The following ADCY7 variants were observed in gnomAD, a reference collection of about 807,000 sequenced individuals.
ADCY7 encodes the protein adenylate cyclase type 7.
ADCY7 carries 72 observed loss-of-function variants against 120.6 expected under a neutral mutation model. The observed-to-expected ratio is 0.60, with a 90% CI of 0.49 to 0.73. The LOEUF (loss-of-function observed/expected upper bound fraction) is 0.73, where lower values mean the gene tolerates loss of function less well. Ranked by LOEUF, ADCY7 falls within the 30% of genes least tolerant of loss-of-function variation. The probability of loss-of-function intolerance (pLI) is 0.00; values close to 1 mark genes in which losing one functional copy is unlikely to be tolerated. For missense variants in ADCY7, 1,227 were observed against 1,486.0 expected (o/e 0.83, Z 2.87); for synonymous variants, 661 against 628.0 (o/e 1.05, Z -0.78).
At chr16:50,258,565 G>A (rs2032979267) in intron 1 of ADCY7, among the ~76,000 whole-genome samples, 1 of 151,348 alleles carries the variant, frequency 6.6e-6, no homozygotes, top group Non-Finnish European at 1.5e-5. Context: ...AATACTGGCA[G>A]TCATTGATAT....
chr16:50,300,212 A>G (rs2035626637), intron 8 of ADCY7, among the ~76,000 whole-genome samples: 2 of 152,148 alleles, frequency 1.3e-5, no homozygotes, highest in South Asian at 4.1e-4. Context: ...CTGGGACTAC[A>G]GGCGCCTGCT....
At chr16:50,285,829 C>T (rs141716806) in intron 1 of ADCY7, among the ~76,000 whole-genome samples, 95 of 152,298 alleles carry the variant, frequency 6.2e-4, no homozygotes, top group African/African-American at 2.2e-3. Flanking sequence ...GATGGGGATC[C>T]CTGGGGAGAG....
rs948831780 is a variant in ADCY7, at chr16:50,308,312, T to C, written c.1851-15T>C. On this transcript the variant is annotated splice_polypyrimidine_tract_variant and intron_variant, in intron 15 of 25. Transcript: ENST00000673801. ...AAGGCCCTAGGCAGAACTGAGGTTC[T>C]TCCCTCCTCTCCAGGACGGCGGCAC... 6.2e-6 allele frequency: 10 copies of C among 1,614,070 alleles called. No individual in the cohort carries two copies. Among genetic ancestry groups the C allele is most frequent in the African/African-American group, 1.3e-5 (1 of 74,930 alleles).
intron 1 of ADCY7, among the ~76,000 whole-genome samples, chr16:50,246,751 G>A (rs759345419): frequency 5.3e-5 from 8 of 152,198 alleles, no homozygotes; most frequent in Admixed American, 2.0e-4. Flanking sequence ...CCCCTGCCTC[G>A]GACCCCAACC....
intron 17 of ADCY7, chr16:50,309,009 A>G: frequency 2.0e-6 from 1 of 502,234 alleles, no homozygotes; most frequent in Non-Finnish European, 3.4e-6. Flanking sequence ...GGCCAGCTCC[A>G]GGAGGATGTG....
At chr16:50,290,991 G>A (rs935313093) in intron 3 of ADCY7, among the ~76,000 whole-genome samples, 1 of 152,192 alleles carries the variant, frequency 6.6e-6, no homozygotes, top group African/African-American at 2.4e-5. Context: ...AACTGGAACT[G>A]GGGCCTCTGG....
At chr16:50,307,957 C>A (rs1404876322) in intron 15 of ADCY7, among the ~76,000 whole-genome samples, 1 of 138,924 alleles carries the variant, frequency 7.2e-6, no homozygotes, top group Non-Finnish European at 1.5e-5. Flanking sequence ...GATCATGCCA[C>A]TGCACTCCAG....
In ADCY7 at chr16:50,266,695, T is replaced by G. The variant is rs1209108122; in HGVS notation, c.-269+15T>G. 1.3e-5 allele frequency: 2 copies of G among 152,772 alleles called. No individual in the cohort carries two copies. The highest frequency in any genetic ancestry group is 4.8e-5 in the African/African-American group (2 of 41,486). 9.5% of individuals were successfully genotyped at this position (152,772 alleles called of 1,614,324 possible). On this transcript the variant is annotated intron_variant, in intron 1 of 25. Transcript: ENST00000673801. ...AGGAGAGCCAGGTAAAAGTGGGGTG[T>G]GGGGATGGAGTGTCACCAGTCCTAG... is the stretch of plus-strand genomic sequence containing the variant.
chr16:50,292,912 C>T (rs2035086291), intron 5 of ADCY7, 87 bp downstream of exon 5: 2 of 1,519,152 alleles, frequency 1.3e-6, no homozygotes, highest in African/African-American at 1.4e-5. Flanking sequence ...CTGCCATGTG[C>T]ATGAGGTGCA....
intron 1 of ADCY7, among the ~76,000 whole-genome samples, chr16:50,257,026 A>G (rs931167176): frequency 1.3e-5 from 2 of 152,154 alleles, no homozygotes; most frequent in Non-Finnish European, 2.9e-5. Flanking sequence ...ACATTACACT[A>G]AGTAAAATAA....
At chr16:50,274,459 G>A (rs2033756182) in intron 1 of ADCY7, among the ~76,000 whole-genome samples, 2 of 151,764 alleles carry the variant, frequency 1.3e-5, no homozygotes, top group African/African-American at 4.8e-5. Context: ...GGGGGAGGCT[G>A]GGTGGGGCTG....
chr16:50,254,246 G>A (rs542496119), intron 1 of ADCY7, among the ~76,000 whole-genome samples: 3 of 152,252 alleles, frequency 2.0e-5, no homozygotes, highest in East Asian at 1.9e-4. Context: ...GCCACTCCAC[G>A]CACCCCTGCC....
intron 1 of ADCY7, among the ~76,000 whole-genome samples, chr16:50,277,292 G>C (rs2033956709): frequency 6.6e-6 from 1 of 152,110 alleles, no homozygotes; most frequent in Non-Finnish European, 1.5e-5. Flanking sequence ...TTTCATACTT[G>C]TGACAATGTT....
intron 12 of ADCY7, 87 bp downstream of exon 12, chr16:50,305,046 C>T: frequency 2.6e-6 from 4 of 1,527,348 alleles, no homozygotes; most frequent in Non-Finnish European, 3.6e-6. Context: ...CAGTGGGCAG[C>T]TCCGCAAGGC....
At chr16:50,313,280 G>T in intron 22 of ADCY7, 1 of 393,316 alleles carries the variant, frequency 2.5e-6, no homozygotes, top group Admixed American at 3.8e-5. Flanking sequence ...TACAAGCTGG[G>T]CTTGGGGCGC....
chr16:50,305,360 C>T, intron 12 of ADCY7, 143 bp from the exon 13 acceptor site: 2 of 777,150 alleles, frequency 2.6e-6, no homozygotes, highest in Non-Finnish European at 2.2e-6. Flanking sequence ...CACTCGCCCT[C>T]TCTGGGCCTC....
At chr16:50,305,175 G>A (rs1174722615) in intron 12 of ADCY7, among the ~76,000 whole-genome samples, 1 of 152,250 alleles carries the variant, frequency 6.6e-6, no homozygotes, top group African/African-American at 2.4e-5. Flanking sequence ...GTTGTATGGT[G>A]CCCTGGCGGG....
At chr16:50,261,740 T>A (rs760945911), upstream of ADCY7, among the ~76,000 whole-genome samples, 4 of 152,150 alleles carry the variant, frequency 2.6e-5, no homozygotes, top group Non-Finnish European at 5.9e-5. Context: ...CTGGAGCCCC[T>A]GACTCCAGAG....
In ADCY7 at chr16:50,301,099, A is replaced by G. The variant is rs748932455; in HGVS notation, c.1253A>G (p.Glu418Gly). ...AGVPGRVHIT[E>G]ATLKHLDKAY... ...TCCCGTAGCCGGGTGCACATCACGG[A>G]GGCCACGCTAAAGCACCTGGACAAG... Residue 418 changes from glutamate to glycine, a missense_variant, in exon 10 of 26, where the codon GAG (glutamate) becomes GGG (glycine). Around this residue, in one of 5 missense-constraint regions of ADCY7, gnomAD observed 332 missense variants for 455.8 expected, o/e 0.73. Transcript: ENST00000673801. 1.3e-5 allele frequency: 21 copies of G among 1,613,752 alleles called. No homozygotes were observed. Among genetic ancestry groups the G allele is most frequent in the Non-Finnish European group, 1.6e-5 (19 of 1,179,932 alleles).
Sources: allele counts gnomAD v4.1 joint callset (sites outside exome capture counted in the v4.1 genomes callset), GRCh38; gene constraint gnomAD v4.1.1; regional missense constraint gnomAD v4.1.1; transcripts MANE v1.5; gene names NCBI Gene and HGNC (gene_info 2026-07-23, HGNC 2026-07-21).